BMPR1B: variants seen among roughly 807,000 people sequenced by gnomAD.
BMPR1B encodes the protein bone morphogenetic protein receptor type 1B.
In BMPR1B, 12 loss-of-function variants were observed where a neutral mutation model predicts 59.1. That is an observed-to-expected ratio of 0.20 (90% confidence interval 0.13 to 0.33). The LOEUF is 0.33. Among genes scored for constraint, BMPR1B ranks in the 10% least tolerant of loss-of-function variants. The probability of loss-of-function intolerance (pLI) is 1.00; values close to 1 mark genes in which losing one functional copy is unlikely to be tolerated. For synonymous variants in BMPR1B, 237 were observed against 207.3 expected (o/e 1.14, Z -1.23); for missense variants, 550 against 610.9 (o/e 0.90, Z 1.05).
At chr4:94,815,248 G>A (rs6532510) in intron 1 of BMPR1B, among the ~76,000 whole-genome samples, 108,453 of 152,060 alleles carry the variant, frequency 0.71, 38,943 homozygotes, top group African/African-American at 0.81. Context: ...TGCACATTGT[G>A]TGTCTTTTTG....
rs556252773 is a variant in BMPR1B, at chr4:94,816,953, G to A, written c.-182-58878G>A. ...TAATGTGATTATATTAAGATGTGGGGCCTTTAGGAGGTGATTAAGTCATGA... is the reference window on the plus strand; with the variant it reads ...TAATGTGATTATATTAAGATGTGGGACCTTTAGGAGGTGATTAAGTCATGA... On this transcript the variant is annotated intron_variant, in intron 1 of 12. Coordinates refer to ENST00000515059, the MANE Select transcript of BMPR1B (RefSeq NM_001203.3). 1.7e-4 allele frequency among the ~76,000 whole-genome samples: 26 copies of A among 152,286 alleles called. No individual in the cohort carries two copies. The South Asian group carries it at 5.4e-3, about 32-fold the overall frequency.
At chr4:95,112,436 T>A (rs1043022991) in intron 4 of BMPR1B, among the ~76,000 whole-genome samples, 1 of 152,146 alleles carries the variant, frequency 6.6e-6, no homozygotes, top group East Asian at 1.9e-4. Context: ...TGTTTCCATT[T>A]GTACTTGCTT....
chr4:94,772,039 C>G (rs1014262782), intron 1 of BMPR1B, among the ~76,000 whole-genome samples: 3 of 152,112 alleles, frequency 2.0e-5, no homozygotes, highest in African/African-American at 7.2e-5. Context: ...CTTGTAACTC[C>G]TGTGATTAAA....
At chr4:95,030,194 G>A (rs557711022) in intron 3 of BMPR1B, among the ~76,000 whole-genome samples, 113 of 152,188 alleles carry the variant, frequency 7.4e-4, no homozygotes, top group African/African-American at 2.4e-3. Context: ...CCTTGCCCAT[G>A]CCTATGTCCT....
chr4:95,120,610 T>TTTCCTTCCTTCCTTCATTCCTTCCTTCC (rs1732410881), intron 6 of BMPR1B, among the ~76,000 whole-genome samples: 1 of 122,586 alleles, frequency 8.2e-6, no homozygotes, highest in Non-Finnish European at 1.8e-5. Context: ...ATAGCCTGCC[T>TTTCCTTCCTTCCTTCATTCCTTCCTTCC]TTCCTTCCTT....
chr4:95,055,088 C>A (rs1050572249), intron 3 of BMPR1B, among the ~76,000 whole-genome samples: 1 of 152,114 alleles, frequency 6.6e-6, no homozygotes, highest in Non-Finnish European at 1.5e-5. Flanking sequence ...GAAATCCACT[C>A]CCTTGTGAAT....
intron 1 of BMPR1B, among the ~76,000 whole-genome samples, chr4:94,798,391 A>G (rs1723275512): frequency 6.6e-6 from 1 of 152,224 alleles, no homozygotes; most frequent in Non-Finnish European, 1.5e-5. Flanking sequence ...CTCTCAAAGA[A>G]TTCATCAGCA....
chr4:95,069,943 T>A (rs1728147271), intron 3 of BMPR1B, among the ~76,000 whole-genome samples: 1 of 152,070 alleles, frequency 6.6e-6, no homozygotes, highest in African/African-American at 2.4e-5. Flanking sequence ...CTACTAAAAA[T>A]ACAAAATTAG....
chr4:95,092,366 G>A (rs192389152), intron 3 of BMPR1B, among the ~76,000 whole-genome samples: 209 of 152,086 alleles, frequency 1.4e-3, no homozygotes, highest in African/African-American at 4.4e-3. Context: ...CACATGGGTG[G>A]CACTGCAGAT....
At position 94,974,982 on chromosome 4, in the gene BMPR1B, A is replaced by G. The variant is rs568896609; in HGVS notation, c.-112-21058A>G. Among the ~76,000 whole-genome samples the G allele has an allele frequency of 2.0e-5, 3 of 152,206 alleles. No individual in the cohort carries two copies. In the East Asian group the frequency reaches 5.8e-4, roughly 29 times the overall value. On this transcript the variant is annotated intron_variant, in intron 2 of 12. Coordinates refer to ENST00000515059, the MANE Select transcript of BMPR1B (RefSeq NM_001203.3). ...AGTTGTGCTCTGAGTCAGACAGATT[A>G]CACATAGCCCAAGATATAGCCAGGA...
At chr4:94,854,047 T>C (rs1725664487) in intron 1 of BMPR1B, among the ~76,000 whole-genome samples, 2 of 152,120 alleles carry the variant, frequency 1.3e-5, no homozygotes, top group Non-Finnish European at 2.9e-5. Context: ...CAATCTGTAG[T>C]TGAAGGAAAG....
intron 1 of BMPR1B, among the ~76,000 whole-genome samples, chr4:94,841,508 G>C (rs976268070): frequency 6.6e-6 from 1 of 152,194 alleles, no homozygotes; most frequent in East Asian, 1.9e-4. Context: ...GTATTTGGGT[G>C]GGAGTGACCC....
In BMPR1B at chr4:94,770,180, G is replaced by GTTTTTTTTTTTTT. The variant is rs1553903537; in HGVS notation, c.-183+12113_-183+12114insTTTTTTTTTTTTT. ...TTTGTTTGAATTGTCCTTCGTTTCT[G>GTTTTTTTTTTTTT]TGTTTGTTTTTTTTTTTTTTTTTTG... is the stretch of plus-strand genomic sequence containing the variant. On this transcript the variant is annotated intron_variant, in intron 1 of 12. Coordinates refer to ENST00000515059, the MANE Select transcript of BMPR1B (RefSeq NM_001203.3). 1.2e-4 allele frequency among the ~76,000 whole-genome samples: 13 copies of GTTTTTTTTTTTTT among 106,248 alleles called. 1 individual carries two copies. The highest frequency in any genetic ancestry group is 5.0e-4 in the African/African-American group (12 of 24,166). The allele number at this position is 106,248 out of a possible 152,430, so 69.7% of individuals were successfully genotyped here. A position where few individuals can be genotyped will look rare whatever the true frequency, so the allele number is the denominator to read the frequency against.
rs372742440 is a variant in BMPR1B, at chr4:95,158,247, G to T, written c.*3574G>T. ...TGCCATATTTTTTGGAGAAAAGTTG[G>T]CAATATAGGGGTTTCGTTGTCTGTT... On this transcript the variant is annotated 3_prime_UTR_variant, in exon 13 of 13. Transcript: ENST00000515059. 1 of 152,088 alleles carries T rather than the reference G, an allele frequency of 6.6e-6. No individual in the cohort carries two copies. The highest frequency in any genetic ancestry group is 1.5e-5 in the Non-Finnish European group (1 of 68,026). 9.4% of individuals were successfully genotyped at this position (152,088 alleles called of 1,614,324 possible).
chr4:94,982,217 G>A (rs1232046872), intron 2 of BMPR1B, among the ~76,000 whole-genome samples: 1 of 152,110 alleles, frequency 6.6e-6, no homozygotes, highest in Admixed American at 6.5e-5. Flanking sequence ...TTAGAGGCAA[G>A]CATTTCAAGA....
At chr4:95,012,158 G>A (rs1382689662) in intron 3 of BMPR1B, among the ~76,000 whole-genome samples, 1 of 152,120 alleles carries the variant, frequency 6.6e-6, no homozygotes, top group Admixed American at 6.5e-5. Context: ...AGGAAAAATG[G>A]ACATTGCTCT....
intron 1 of BMPR1B, among the ~76,000 whole-genome samples, chr4:94,851,874 G>A (rs1393126397): frequency 6.6e-6 from 1 of 152,102 alleles, no homozygotes; most frequent in Admixed American, 6.6e-5. Context: ...AAAACTGTCT[G>A]TAAACTCTAC....
chr4:94,907,752 C>A (rs1338440871), intron 2 of BMPR1B, among the ~76,000 whole-genome samples: 1 of 151,830 alleles, frequency 6.6e-6, no homozygotes, highest in African/African-American at 2.4e-5. Context: ...TCTATTAATT[C>A]ATTCAGTGAA....
At chr4:94,818,295 G>A (rs1046211329) in intron 1 of BMPR1B, among the ~76,000 whole-genome samples, 2 of 152,010 alleles carry the variant, frequency 1.3e-5, no homozygotes, top group Non-Finnish European at 1.5e-5. Flanking sequence ...TGTATCAGGG[G>A]CTCTACTAAG....
Sources: allele counts gnomAD v4.1 joint callset (sites outside exome capture counted in the v4.1 genomes callset), GRCh38; gene constraint gnomAD v4.1.1; transcripts MANE v1.5; gene names NCBI Gene and HGNC (gene_info 2026-07-23, HGNC 2026-07-21).